PHTF2: variants seen among roughly 807,000 people sequenced by gnomAD.
PHTF2 encodes the protein putative homeodomain transcription factor 2, also known as protein PHTF2.
PHTF2 carries 60 observed loss-of-function variants against 101.2 expected under a neutral mutation model. The ratio of observed to expected loss-of-function variants is 0.59; its 90% CI spans 0.48 to 0.73. The LOEUF (loss-of-function observed/expected upper bound fraction) is 0.73, where lower values mean the gene tolerates loss of function less well. Ranked by LOEUF, PHTF2 falls within the 30% of genes least tolerant of loss-of-function variation. The pLI, the probability that PHTF2 is intolerant of heterozygous loss-of-function variation, is 0.00. For synonymous variants in PHTF2, 311 were observed against 307.3 expected (o/e 1.01, Z -0.13); for missense variants, 747 against 908.7 (o/e 0.82, Z 2.29).
chr7:77,830,628 G>A (rs907108082), intron 1 of PHTF2, among the ~76,000 whole-genome samples: 11 of 152,208 alleles, frequency 7.2e-5, no homozygotes, highest in African/African-American at 1.9e-4. Flanking sequence ...TGGAGTTGAG[G>A]CAGTGATGCT....
At chr7:77,860,047 G>A (rs919027199) in intron 3 of PHTF2, among the ~76,000 whole-genome samples, 1 of 152,060 alleles carries the variant, frequency 6.6e-6, no homozygotes, top group African/African-American at 2.4e-5. Context: ...TTAAAAAACT[G>A]CATGTAAGTT....
intron 3 of PHTF2, among the ~76,000 whole-genome samples, chr7:77,886,382 C>G (rs1799848197): frequency 6.6e-6 from 1 of 152,148 alleles, no homozygotes; most frequent in Non-Finnish European, 1.5e-5. Flanking sequence ...TTCATAGGAG[C>G]CAGAGCTGAC....
At chr7:77,929,368 G>A in intron 12 of PHTF2, 41 bp downstream of exon 11, 1 of 966,184 alleles carries the variant, frequency 1.0e-6, no homozygotes, top group African/African-American at 1.6e-5. Flanking sequence ...TATGAGTCAA[G>A]CTCCTTTGAA....
chr7:77,901,618 C>G (rs1185510945), intron 6 of PHTF2, 144 bp from the exon 6 acceptor site: 1 of 404,560 alleles, frequency 2.5e-6, no homozygotes, highest in Non-Finnish European at 4.4e-6. Flanking sequence ...TTTAAAGTAT[C>G]TATAAATTGG....
intron 3 of PHTF2, among the ~76,000 whole-genome samples, chr7:77,863,787 G>GTTTTTTTTTTTTTTTTTTTTTTTGTT (rs368245678): frequency 7.6e-6 from 1 of 132,178 alleles, no homozygotes; most frequent in Non-Finnish European, 1.6e-5. Context: ...GTTTTGTTTT[G>GTTTTTTTTTTTTTTTTTTTTTTTGTT]TTTTTTTTTT....
chr7:77,914,424 A>T (rs1054688197), intron 9 of PHTF2, among the ~76,000 whole-genome samples: 1 of 152,210 alleles, frequency 6.6e-6, no homozygotes, highest in African/African-American at 2.4e-5. Context: ...TAGGAGAGTG[A>T]GCAGCTAAGG....
At chr7:77,927,949 A>G (rs1165061041) in intron 11 of PHTF2, among the ~76,000 whole-genome samples, 2 of 152,188 alleles carry the variant, frequency 1.3e-5, no homozygotes. Flanking sequence ...TTTATCCAGG[A>G]GAGCAGTGAG....
exon 12 of PHTF2, chr7:77,929,180 G>A: frequency 6.2e-7 from 1 of 1,613,728 alleles, no homozygotes; most frequent in Non-Finnish European, 8.5e-7. Flanking sequence ...AGAGTGCAAG[G>A]CCAGAATCTG....
intron 7 of PHTF2, chr7:77,907,779 C>T (rs1269937121): frequency 1.3e-5 from 2 of 152,172 alleles, no homozygotes. Flanking sequence ...TCAAAATAAG[C>T]ACATATAACC....
chr7:77,830,658 G>T (rs540459042), intron 1 of PHTF2, among the ~76,000 whole-genome samples: 1 of 152,284 alleles, frequency 6.6e-6, no homozygotes, highest in African/African-American at 2.4e-5. Flanking sequence ...GAGCAGCTGC[G>T]AATACAGATT....
At position 77,861,535 on chromosome 7, in the gene PHTF2, A is replaced by G. The variant is rs11978749; in HGVS notation, c.147+6701A>G. On this transcript the variant is annotated intron_variant, in intron 3 of 19. Coordinates refer to ENST00000416283, the Ensembl canonical transcript of PHTF2. ...TTTGTGGTGGTTATTGTCTATTATG[A>G]CTTTGGTTATAATACATTGTGATAG... Among the ~76,000 whole-genome samples, 855 of 152,124 alleles carry G rather than the reference A, an allele frequency of 5.6e-3. 8 individuals carry two copies. Among genetic ancestry groups the G allele is most frequent in the African/African-American group, 0.02 (810 of 41,476 alleles).
At chr7:77,928,927 G>C (rs1458275631) in intron 11 of PHTF2, among the ~76,000 whole-genome samples, 182 bp from the exon 11 acceptor site, 1 of 152,188 alleles carries the variant, frequency 6.6e-6, no homozygotes, top group Non-Finnish European at 1.5e-5. Context: ...AAATTTTGAT[G>C]TGAAGGTATT....
chr7:77,893,903 C>CTTT, intron 4 of PHTF2, 79 bp from the exon 4 acceptor site: 1 of 1,032,348 alleles, frequency 9.7e-7, no homozygotes, highest in South Asian at 1.4e-5. Flanking sequence ...TTTTTGTCAG[C>CTTT]TTTTTTCCCC....
At chr7:77,850,056 G>A (rs1010490912) in intron 2 of PHTF2, among the ~76,000 whole-genome samples, 2 of 151,866 alleles carry the variant, frequency 1.3e-5, no homozygotes, top group African/African-American at 4.8e-5. Flanking sequence ...TAACATTGGT[G>A]AAAGTGGGCA....
chr7:77,873,976 T>C lies in PHTF2; in HGVS notation c.147+19142T>C, dbSNP rs531170902. Among the ~76,000 whole-genome samples the C allele has an allele frequency of 1.2e-3, 181 of 152,296 alleles. 1 individual carries two copies. The highest frequency in any genetic ancestry group is 4.2e-3 in the African/African-American group (174 of 41,554). On this transcript the variant is annotated intron_variant, in intron 3 of 19. Transcript: ENST00000416283. ...CAATCTTAGCAGATTTGAGGCTCAGTATCTGCTTCTGAAGCCAGGAGATAG... is the reference window on the plus strand; with the variant it reads ...CAATCTTAGCAGATTTGAGGCTCAGCATCTGCTTCTGAAGCCAGGAGATAG...
chr7:77,929,223 C>T, exon 12 of PHTF2: 1 of 1,611,640 alleles, frequency 6.2e-7, no homozygotes, highest in Admixed American at 1.7e-5. Context: ...AGACTTGTTA[C>T]ATTGTGCAGA....
At chr7:77,813,260 GAGA>G (rs1317367845) in intron 1 of PHTF2, among the ~76,000 whole-genome samples, 1 of 152,176 alleles carries the variant, frequency 6.6e-6, no homozygotes, top group African/African-American at 2.4e-5. Context: ...CAAAGAAACT[GAGA>G]AGGAGTGAAT....
chr7:77,941,414 C>T (rs979002924), intron 15 of PHTF2, among the ~76,000 whole-genome samples: 3 of 152,198 alleles, frequency 2.0e-5, no homozygotes, highest in South Asian at 2.1e-4. Flanking sequence ...TGAATCTGAT[C>T]GCTTGAATTC....
intron 12 of PHTF2, among the ~76,000 whole-genome samples, chr7:77,934,543 T>C (rs1485595825): frequency 6.6e-6 from 1 of 152,200 alleles, no homozygotes; most frequent in Non-Finnish European, 1.5e-5. Context: ...AGCAAAGCAG[T>C]TGAGATTTTA....
Sources: allele counts gnomAD v4.1 joint callset (sites outside exome capture counted in the v4.1 genomes callset), GRCh38; gene constraint gnomAD v4.1.1; transcripts MANE v1.5; gene names NCBI Gene and HGNC (gene_info 2026-07-23, HGNC 2026-07-21).